NSD2: variants seen among roughly 807,000 people sequenced by gnomAD.
NSD2 encodes the protein histone-lysine N-methyltransferase NSD2.
In NSD2, 12 loss-of-function variants were observed where a neutral mutation model predicts 139.0. The observed-to-expected ratio is 0.09, with a 90% CI of 0.06 to 0.14. The LOEUF (loss-of-function observed/expected upper bound fraction) is 0.14. NSD2 is among the 10% of genes least tolerant of loss of function. The pLI is 1.00. For synonymous variants in NSD2, 669 were observed against 648.7 expected (o/e 1.03, Z -0.48); for missense variants, 1,155 against 1,745.0 (o/e 0.66, Z 6.02).
chr4:1,954,005 A>G (rs1239492057), intron 12 of NSD2, among the ~76,000 whole-genome samples: 1 of 145,450 alleles, frequency 6.9e-6, no homozygotes, highest in Non-Finnish European at 1.5e-5. Context: ...TTTTTTGGAG[A>G]AAAAAAATCT....
chr4:1,975,233 C>G (rs952701427), intron 19 of NSD2, 61 bp from the exon 20 acceptor site: 1 of 1,548,692 alleles, frequency 6.5e-7, no homozygotes, highest in African/African-American at 1.4e-5. Flanking sequence ...ATACACGCCC[C>G]TTAGCTTTTG....
At chr4:1,904,117 T>C in intron 2 of NSD2, 99 bp from the exon 3 acceptor site, 3 of 1,328,334 alleles carry the variant, frequency 2.3e-6, no homozygotes, top group Non-Finnish European at 3.1e-6. Context: ...TGGGGGTCTG[T>C]GTGTATTTGG....
intron 1 of NSD2, among the ~76,000 whole-genome samples, chr4:1,872,535 TAATCG>T (rs1376296288): frequency 1.3e-5 from 2 of 150,384 alleles, no homozygotes; most frequent in African/African-American, 4.9e-5. Context: ...GTGGTGACGT[TAATCG>T]TTTTTAGGTA....
intron 5 of NSD2, among the ~76,000 whole-genome samples, chr4:1,925,596 A>G (rs889185960): frequency 3.3e-5 from 5 of 150,760 alleles, no homozygotes; most frequent in Non-Finnish European, 7.4e-5. Context: ...ATGGGGTTTC[A>G]TTATGTTGGC....
intron 1 of NSD2, among the ~76,000 whole-genome samples, chr4:1,874,886 C>T (rs572540578): frequency 8.5e-5 from 13 of 152,274 alleles, no homozygotes; most frequent in South Asian, 4.1e-4. Context: ...TTATTTACAG[C>T]GAGTACTTTG....
At position 1,955,938 on chromosome 4, in the gene NSD2, T is replaced by C; in HGVS notation, c.2676-45T>C. 1 of 1,611,284 alleles carries C rather than the reference T, an allele frequency of 6.2e-7. No homozygotes were observed. Among genetic ancestry groups the C allele is most frequent in the Non-Finnish European group, 8.5e-7 (1 of 1,178,248 alleles). ...CTTAAAGTATTGAAATTATTATCGC[T>C]GTCTCTGAGGAGTCTGTGAATCCTG... On this transcript the variant is annotated intron_variant, in intron 14 of 21. Coordinates refer to ENST00000508803, the MANE Select transcript of NSD2 (RefSeq NM_001042424.3). This position sits in a 1 kb window ranked among gnomAD's most constrained non-coding sequence, Gnocchi z 4.7.
Position 1,932,470 on chromosome 4 carries a change from G to T in NSD2, c.1555+1700G>T, listed in dbSNP as rs562832854. 9.3e-5 allele frequency among the ~76,000 whole-genome samples: 14 copies of T among 150,338 alleles called. No homozygotes were observed. In the East Asian group the frequency reaches 2.2e-3, roughly 23 times the overall value. On this transcript the variant is annotated intron_variant, in intron 6 of 21. Transcript: ENST00000508803. ...AAAAAAAAAAAAAAAATTCCAGCCC[G>T]GCGCAGTGGCTCCCGCCTGTAATCC...
At chr4:1,903,181 G>A (rs2108753425) in intron 2 of NSD2, among the ~76,000 whole-genome samples, 1 of 152,292 alleles carries the variant, frequency 6.6e-6, no homozygotes, top group East Asian at 1.9e-4. Context: ...GCTTACAGGT[G>A]AGAAAACTGA....
chr4:1,977,906 CACTTGAGGTCAGGAATTCG>C (rs1727275251), intron 21 of NSD2, among the ~76,000 whole-genome samples: 3 of 152,150 alleles, frequency 2.0e-5, no homozygotes, highest in Middle Eastern at 3.4e-3. Flanking sequence ...GTGGATGGAT[CACTTGAGGTCAGGAATTCG>C]AGAGCAGCCT....
chr4:1,958,109 A>G lies in NSD2; in HGVS notation c.2985+73A>G. ...AGGGCCGTGAGAGGTTCTTAGGCAC[A>G]CCCAGGCTATGGCTGGGGAGAGGAC... On this transcript the variant is annotated intron_variant, in intron 16 of 21. Transcript: ENST00000508803. The surrounding 1 kb of genome is among the most constrained non-coding windows in gnomAD (Gnocchi z 4.6). The G allele has an allele frequency of 1.4e-6, 2 of 1,480,338 alleles. No individual in the cohort carries two copies. Among genetic ancestry groups the G allele is most frequent in the East Asian group, 2.3e-5 (1 of 43,740 alleles). 91.7% of individuals were successfully genotyped at this position (1,480,338 alleles called of 1,614,324 possible).
chr4:1,893,529 T>TTTTTTTG (rs1424180497), intron 1 of NSD2, among the ~76,000 whole-genome samples: 1 of 151,178 alleles, frequency 6.6e-6, no homozygotes, highest in African/African-American at 2.5e-5. Context: ...ATTTTGCCTC[T>TTTTTTTG]TTTTTTGTTT....
Position 1,871,413 on chromosome 4 carries a change from C to G in NSD2, c.-159C>G, listed in dbSNP as rs1189029344. ...GGGTCGGCGCCGCGCGCGAGAGCCTCGGCCTGGCCGCGCTGCGCCCGCCGC... is the reference window on the plus strand; with the variant it reads ...GGGTCGGCGCCGCGCGCGAGAGCCTGGGCCTGGCCGCGCTGCGCCCGCCGC... On this transcript the variant is annotated 5_prime_UTR_variant, in exon 1 of 22. Transcript: ENST00000508803. 4 of 141,300 alleles carry G rather than the reference C, an allele frequency of 2.8e-5. No individual in the cohort carries two copies. The highest frequency in any genetic ancestry group is 6.2e-5 in the Non-Finnish European group (4 of 64,058). 8.8% of individuals were successfully genotyped at this position (141,300 alleles called of 1,614,324 possible).
At chr4:1,893,284 A>G (rs1715767770) in intron 1 of NSD2, among the ~76,000 whole-genome samples, 1 of 152,152 alleles carries the variant, frequency 6.6e-6, no homozygotes, top group Non-Finnish European at 1.5e-5. Context: ...CCTGGCCAAC[A>G]TAGTGAAACC....
intron 1 of NSD2, among the ~76,000 whole-genome samples, chr4:1,883,889 C>T (rs1418115138): frequency 6.6e-6 from 1 of 152,212 alleles, no homozygotes; most frequent in Admixed American, 6.5e-5. Context: ...GCCTCTTGTT[C>T]TCTGTTCATG....
intron 1 of NSD2, among the ~76,000 whole-genome samples, chr4:1,875,239 G>A (rs1358122131): frequency 1.3e-5 from 2 of 150,804 alleles, no homozygotes; most frequent in Non-Finnish European, 2.9e-5. Flanking sequence ...GATTACAAGT[G>A]TGAACCACTG....
At position 1,980,786 on chromosome 4, in the gene NSD2, C is replaced by G. The variant is rs552203713; in HGVS notation, c.*1877C>G. On this transcript the variant is annotated 3_prime_UTR_variant, in exon 22 of 22. Transcript: ENST00000508803. ...GCGGCCGTGGCCTCTGAGGGGCACT[C>G]GCCGGTTAAGACAGGGTGGGAGTAG... The G allele has an allele frequency of 4.3e-5, 10 of 233,270 alleles. No individual in the cohort carries two copies. In the East Asian group the frequency reaches 4.8e-4, roughly 11 times the overall value. 14.5% of individuals were successfully genotyped at this position (233,270 alleles called of 1,614,324 possible). A position where few individuals can be genotyped will look rare whatever the true frequency, so the allele number is the denominator to read the frequency against.
At chr4:1,875,233 A>G (rs191498015) in intron 1 of NSD2, among the ~76,000 whole-genome samples, 330 of 151,028 alleles carry the variant, frequency 2.2e-3, no homozygotes, top group Non-Finnish European at 3.5e-3. Context: ...TACTGGGATT[A>G]CAAGTGTGAA....
chr4:1,877,640 GA>G (rs1714356606), intron 1 of NSD2, among the ~76,000 whole-genome samples: 2 of 152,100 alleles, frequency 1.3e-5, no homozygotes, highest in African/African-American at 4.8e-5. Flanking sequence ...CCTGTTTTGG[GA>G]GGCTCTTGTC....
At chr4:1,875,217 C>A (rs1290840853) in intron 1 of NSD2, among the ~76,000 whole-genome samples, 1 of 151,846 alleles carries the variant, frequency 6.6e-6, no homozygotes, top group African/African-American at 2.4e-5. Flanking sequence ...CCTTGGCCTC[C>A]CAAAGTACTG....
Sources: allele counts gnomAD v4.1 joint callset (sites outside exome capture counted in the v4.1 genomes callset), GRCh38; gene constraint gnomAD v4.1.1; non-coding constraint Gnocchi (gnomAD v3.1); transcripts MANE v1.5; gene names NCBI Gene and HGNC (gene_info 2026-07-23, HGNC 2026-07-21).